The following CNKSR3 variants were observed in gnomAD, a reference collection of about 807,000 sequenced individuals.
CNKSR3 encodes the protein CNKSR family member 3, also known as connector enhancer of kinase suppressor of ras 3.
Under a neutral mutation model 67.7 loss-of-function variants are expected in CNKSR3, and 36 were observed. That is an observed-to-expected ratio of 0.53 (90% CI 0.41 to 0.70). CNKSR3 has a LOEUF of 0.70. Among genes scored for constraint, CNKSR3 ranks in the 30% least tolerant of loss-of-function variants. The pLI, the probability that CNKSR3 is intolerant of heterozygous loss-of-function variation, is 0.00. For synonymous variants in CNKSR3, 281 were observed against 271.4 expected (o/e 1.04, Z -0.35); for missense variants, 630 against 695.2 (o/e 0.91, Z 1.05).
At position 154,406,367 on chromosome 6, in the gene CNKSR3, A is replaced by T. The variant is rs1271535200; in HGVS notation, c.1655T>A (p.Leu552Gln). 4 of 1,612,514 alleles carry T rather than the reference A, an allele frequency of 2.5e-6. No individual in the cohort carries two copies. Among genetic ancestry groups the T allele is most frequent in the African/African-American group, 2.7e-5 (2 of 74,890 alleles). Residue 552 changes from leucine (L) to glutamine (Q), a missense_variant, in exon 13 of 13, where the codon CTG (leucine) becomes CAG (glutamine). Leu to Gln is a moderately radical substitution (Grantham distance 113). Transcript: ENST00000607772. ...LLVSWFTRLK[L>Q]LTH ...GCAGGGTCCCTCTCAGTGAGTCAAC[A>T]GTTTGAGGCGCGTAAACCAGCTGAC...
At chr6:154,455,000 C>A (rs1430669632) in intron 1 of CNKSR3, among the ~76,000 whole-genome samples, 1 of 151,912 alleles carries the variant, frequency 6.6e-6, no homozygotes, top group Non-Finnish European at 1.5e-5. Context: ...TATATCAGAA[C>A]GTAAGCATCA....
intron 12 of CNKSR3, among the ~76,000 whole-genome samples, chr6:154,409,726 A>G (rs960343193): frequency 1.3e-5 from 2 of 152,042 alleles, no homozygotes; most frequent in Admixed American, 1.3e-4. Flanking sequence ...TGTTTAATGA[A>G]TAATTTATTT....
rs112220507 is a variant in CNKSR3, at chr6:154,458,453, G to A, written c.53-8195C>T. On this transcript the variant is annotated intron_variant, in intron 1 of 12. Transcript: ENST00000607772. ...ATTTTCTTTTTGTCAGTTCTCTTGA[G>A]GCATAATTTATAGACATTAAAAGTC... Among the ~76,000 whole-genome samples, 290 of 152,106 alleles carry A rather than the reference G, an allele frequency of 1.9e-3. 2 individuals are homozygous for A. The highest frequency in any genetic ancestry group is 6.8e-3 in the African/African-American group (282 of 41,482).
intron 4 of CNKSR3, among the ~76,000 whole-genome samples, chr6:154,437,458 C>T (rs375170365): frequency 7.4e-5 from 11 of 147,878 alleles, no homozygotes; most frequent in Admixed American, 2.0e-4. Flanking sequence ...CTTTCACCCA[C>T]GCTGGAGTGA....
intron 9 of CNKSR3, among the ~76,000 whole-genome samples, chr6:154,416,154 C>T (rs1361892310): frequency 1.3e-5 from 2 of 152,168 alleles, no homozygotes; most frequent in East Asian, 3.9e-4. Flanking sequence ...AGCTACCCTT[C>T]AACCCTACCC....
intron 1 of CNKSR3, among the ~76,000 whole-genome samples, chr6:154,485,655 C>T (rs1269497387): frequency 6.6e-6 from 1 of 152,238 alleles, no homozygotes. Flanking sequence ...CTGCAAGGCG[C>T]CTCTTTGACA....
At chr6:154,428,045 C>A (rs567455356) in intron 7 of CNKSR3, 83 bp downstream of exon 7, 162 of 889,164 alleles carry the variant, frequency 1.8e-4, no homozygotes, top group Non-Finnish European at 2.8e-4. Flanking sequence ...AGCATGCACA[C>A]GTTTAAATTC....
intron 1 of CNKSR3, among the ~76,000 whole-genome samples, chr6:154,468,091 T>C (rs1262199896): frequency 6.8e-6 from 1 of 147,542 alleles, no homozygotes; most frequent in Non-Finnish European, 1.5e-5. Flanking sequence ...TTTTTTTTTT[T>C]TTTGAGACAG....
Position 154,411,024 on chromosome 6 carries a change from ATCTTCG to A in CNKSR3, c.1183_1188del (p.Arg395_Arg396del), listed in dbSNP as rs1434453825. 2.5e-6 allele frequency: 4 copies of A among 1,614,094 alleles called. No individual in the cohort carries two copies. The East Asian group carries it at 8.9e-5, about 36-fold the overall frequency. ...AACTGATCCGAGTCTGCAATGGTGA[ATCTTCG>A]TCTCCGGCTTTCCTGGTCCAAGAAG... On this transcript the variant is annotated inframe_deletion, in exon 11 of 13. Coordinates refer to ENST00000607772, the MANE Select transcript of CNKSR3 (RefSeq NM_173515.4).
rs540856434 is a variant in CNKSR3 at position 154,422,621 on chromosome 6, T to G, written c.830A>C (p.Lys277Thr). The G allele has an allele frequency of 2.5e-6, 4 of 1,613,644 alleles. No homozygotes were observed. The highest frequency in any genetic ancestry group is 3.4e-6 in the Non-Finnish European group (4 of 1,180,012). ...AACTCCGGTGGGATTCTCTCTCAAT[T>G]TCTTCACCAGATTTTTCAGCTGCCA... ...VGWQLKNLVK[K>T]LRENPTGVVL... Residue 277 changes from lysine to threonine, a missense_variant, in exon 9 of 13, where the codon AAA becomes ACA. Physicochemically the swap from Lys to Thr is moderately conservative, Grantham distance 78. Coordinates refer to ENST00000607772, the MANE Select transcript of CNKSR3 (RefSeq NM_173515.4).
chr6:154,417,624 A>G (rs1461091240), intron 9 of CNKSR3, among the ~76,000 whole-genome samples: 7 of 152,184 alleles, frequency 4.6e-5, no homozygotes, highest in Admixed American at 2.6e-4. Flanking sequence ...ATGTGACTGT[A>G]TTAGGAGATA....
chr6:154,429,292 C>T (rs563096453), intron 6 of CNKSR3, among the ~76,000 whole-genome samples: 73 of 152,292 alleles, frequency 4.8e-4, no homozygotes, highest in African/African-American at 1.7e-3. Flanking sequence ...TCAACCTACG[C>T]TAATCTATGA....
chr6:154,470,443 C>A (rs1786302244), intron 1 of CNKSR3, among the ~76,000 whole-genome samples: 1 of 152,132 alleles, frequency 6.6e-6, no homozygotes, highest in South Asian at 2.1e-4. Flanking sequence ...AGGAACTCCA[C>A]CTGCCTTGGC....
At chr6:154,500,141 A>G (rs1786952028) in intron 1 of CNKSR3, among the ~76,000 whole-genome samples, 1 of 152,164 alleles carries the variant, frequency 6.6e-6, no homozygotes, top group Admixed American at 6.5e-5. Context: ...CCTCTATTTC[A>G]AAGATCATAT....
At chr6:154,497,068 A>G (rs1193225480) in intron 1 of CNKSR3, among the ~76,000 whole-genome samples, 1 of 152,190 alleles carries the variant, frequency 6.6e-6, no homozygotes, top group Non-Finnish European at 1.5e-5. Context: ...CCTTAGCAAG[A>G]GCCTGGCCCT....
In CNKSR3 at chr6:154,469,751, A is replaced by G. The variant is rs568006912; in HGVS notation, c.53-19493T>C. On this transcript the variant is annotated intron_variant, in intron 1 of 12. Coordinates refer to ENST00000607772, the MANE Select transcript of CNKSR3 (RefSeq NM_173515.4). Reference sequence around the variant, plus strand: ...ACCACTATCTACAGCTGACCCTTGAACTAACTTGGGGTTAGGCATGCCAAC... The same window carrying G: ...ACCACTATCTACAGCTGACCCTTGAGCTAACTTGGGGTTAGGCATGCCAAC... Among the ~76,000 whole-genome samples, 6 of 152,312 alleles carry G rather than the reference A, an allele frequency of 3.9e-5. No individual in the cohort carries two copies. The South Asian group carries it at 1.0e-3, about 26-fold the overall frequency.
chr6:154,465,229 T>C (rs1786172266), intron 1 of CNKSR3, among the ~76,000 whole-genome samples: 1 of 151,474 alleles, frequency 6.6e-6, no homozygotes, highest in African/African-American at 2.4e-5. Flanking sequence ...ATTGACAGCT[T>C]AAATAAAATT....
chr6:154,444,835 G>C (rs1329637886), intron 2 of CNKSR3, among the ~76,000 whole-genome samples: 2 of 152,060 alleles, frequency 1.3e-5, no homozygotes, highest in Non-Finnish European at 2.9e-5. Flanking sequence ...TCAATCTCCT[G>C]ACCTCATGAT....
intron 1 of CNKSR3, among the ~76,000 whole-genome samples, chr6:154,489,858 T>C (rs1227897882): frequency 6.6e-6 from 1 of 152,078 alleles, no homozygotes; most frequent in Non-Finnish European, 1.5e-5. Flanking sequence ...TTCCTAATCG[T>C]TCATCAGCAA....
Sources: gnomAD v4.1 joint callset for allele counts (sites outside exome capture counted in the v4.1 genomes callset) on GRCh38, gnomAD v4.1.1 for gene constraint, MANE v1.5 for transcripts, NCBI Gene and HGNC (gene_info 2026-07-23, HGNC 2026-07-21) for gene names.